The following PRDM16 variants were observed in gnomAD, a reference collection of about 807,000 sequenced individuals.
PRDM16 encodes the protein histone-lysine N-methyltransferase PRDM16.
In PRDM16, 23 loss-of-function variants were observed where a neutral mutation model predicts 110.6. The ratio of observed to expected loss-of-function variants is 0.21; its 90% CI spans 0.15 to 0.29. The LOEUF is 0.29. Ranked by LOEUF, PRDM16 falls within the 10% of genes least tolerant of loss-of-function variation. The pLI is 1.00. For synonymous variants in PRDM16, 799 were observed against 781.8 expected, an observed-to-expected ratio of 1.02 and a Z score of -0.37; for missense variants, 1,615 against 1,794.3, an observed-to-expected ratio of 0.90 and a Z score of 1.81.
chr1:3,154,294 G>C (rs1440581147), intron 1 of PRDM16, among the ~76,000 whole-genome samples: 1 of 152,142 alleles, frequency 6.6e-6, no homozygotes, highest in Non-Finnish European at 1.5e-5. Context: ...GTGGTGGGGG[G>C]GCAGGGGGAC....
intron 3 of PRDM16, among the ~76,000 whole-genome samples, chr1:3,275,062 G>T (rs546792400): frequency 1.2e-4 from 18 of 152,352 alleles, no homozygotes; most frequent in African/African-American, 4.3e-4. Context: ...GGATCTGGCT[G>T]GCTCCCAGGT....
Position 3,350,347 on chromosome 1 carries a change from C to A in PRDM16, c.439-34805C>A, listed in dbSNP as rs1642458091. 6.6e-6 allele frequency among the ~76,000 whole-genome samples: 1 copy of A among 152,036 alleles called. No homozygotes were observed. Among genetic ancestry groups the A allele is most frequent in the Admixed American group, 6.5e-5 (1 of 15,270 alleles). On this transcript the variant is annotated intron_variant, in intron 3 of 16. Transcript: ENST00000270722. This position sits in a 1 kb window ranked among gnomAD's most constrained non-coding sequence, Gnocchi z 7.1. Reference sequence around the variant, plus strand: ...TCTCAAAAAAATGAAAAGAAAAGATCTGGAAGTGGGAGGGGAGGCGGCTCT... The same window carrying A: ...TCTCAAAAAAATGAAAAGAAAAGATATGGAAGTGGGAGGGGAGGCGGCTCT...
At position 3,405,442 on chromosome 1, in the gene PRDM16, G is replaced by C. The variant is rs1189876178; in HGVS notation, c.1033-53G>C. The C allele has an allele frequency of 5.3e-6, 8 of 1,504,912 alleles. No individual in the cohort carries two copies. The East Asian group carries it at 1.4e-4, about 27-fold the overall frequency. 93.2% of individuals were successfully genotyped at this position (1,504,912 alleles called of 1,614,324 possible). A position where few individuals can be genotyped will look rare whatever the true frequency, so the allele number is the denominator to read the frequency against. On this transcript the variant is annotated intron_variant, in intron 7 of 16. Transcript: ENST00000270722. Reference sequence around the variant, plus strand: ...CCGGTTGGTCCGCCAGCCAGAACCAGGCCAAGGCGGGTGTCCAGGCAGGGC... The same window carrying C: ...CCGGTTGGTCCGCCAGCCAGAACCACGCCAAGGCGGGTGTCCAGGCAGGGC...
chr1:3,408,275 C>T (rs1405346621), intron 8 of PRDM16, among the ~76,000 whole-genome samples: 2 of 152,224 alleles, frequency 1.3e-5, no homozygotes, highest in Admixed American at 6.5e-5. Flanking sequence ...GGTGTCATTC[C>T]TGGTGGTGTC....
At chr1:3,114,175 GCACA>G (rs59552389) in intron 1 of PRDM16, among the ~76,000 whole-genome samples, 9,931 of 112,802 alleles carry the variant, frequency 0.088, 342 homozygotes, top group Non-Finnish European at 0.094. Flanking sequence ...GCACACACAC[GCACA>G]CACACGCACA....
chr1:3,303,684 T>G (rs576224297), intron 3 of PRDM16, among the ~76,000 whole-genome samples: 1 of 152,372 alleles, frequency 6.6e-6, no homozygotes, highest in South Asian at 2.1e-4. Context: ...CCACCAGTAG[T>G]GTGAGGGTCC....
At chr1:3,072,253 G>A (rs2100528826) in intron 1 of PRDM16, among the ~76,000 whole-genome samples, 1 of 152,338 alleles carries the variant, frequency 6.6e-6, no homozygotes, top group Admixed American at 6.5e-5. Flanking sequence ...CAGGTGGGCA[G>A]GTGGGGGGTT....
chr1:3,331,632 G>A (rs12047648), intron 3 of PRDM16, among the ~76,000 whole-genome samples: 3,197 of 152,256 alleles, frequency 0.021, 172 homozygotes, highest in East Asian at 0.11. Context: ...CCTCTAATTT[G>A]CTGCCCAGAG....
intron 1 of PRDM16, among the ~76,000 whole-genome samples, chr1:3,114,181 A>ACGCC (rs1267757670): frequency 7.8e-6 from 1 of 127,862 alleles, no homozygotes; most frequent in African/African-American, 3.7e-5. Context: ...ACACGCACAC[A>ACGCC]CACGCACACA....
intron 3 of PRDM16, among the ~76,000 whole-genome samples, chr1:3,272,430 G>A (rs937660179): frequency 2.0e-4 from 31 of 152,244 alleles, no homozygotes; most frequent in Admixed American, 7.8e-4. Flanking sequence ...CCACAGGCAC[G>A]CGCTGGACTC....
At chr1:3,283,544 A>G (rs996530864) in intron 3 of PRDM16, among the ~76,000 whole-genome samples, 1 of 152,064 alleles carries the variant, frequency 6.6e-6, no homozygotes, top group Non-Finnish European at 1.5e-5. Flanking sequence ...AGACACACAG[A>G]AGAGAGGGGA....
At chr1:3,341,457 G>A (rs191296477) in intron 3 of PRDM16, among the ~76,000 whole-genome samples, 10 of 152,266 alleles carry the variant, frequency 6.6e-5, no homozygotes, top group Middle Eastern at 6.8e-3. Context: ...TGGAAGAATC[G>A]GGGTGGTCTG....
At chr1:3,179,228 C>T (rs570501646) in intron 1 of PRDM16, among the ~76,000 whole-genome samples, 4 of 152,366 alleles carry the variant, frequency 2.6e-5, no homozygotes, top group East Asian at 1.9e-4. Flanking sequence ...AAGAGGGCTC[C>T]GCCTGGACTA....
At chr1:3,116,912 C>G (rs1226122419) in intron 1 of PRDM16, among the ~76,000 whole-genome samples, 1 of 152,208 alleles carries the variant, frequency 6.6e-6, no homozygotes, top group Admixed American at 6.5e-5. Context: ...GGTCACAGCC[C>G]AAGCCCGACC....
chr1:3,267,756 C>G (rs1210693517), intron 3 of PRDM16, among the ~76,000 whole-genome samples: 1 of 152,200 alleles, frequency 6.6e-6, no homozygotes, highest in Non-Finnish European at 1.5e-5. Context: ...GCCTCTCCCT[C>G]AGTGAGCCGC....
intron 3 of PRDM16, among the ~76,000 whole-genome samples, chr1:3,364,769 C>T (rs1642779399): frequency 6.6e-6 from 1 of 152,234 alleles, no homozygotes; most frequent in African/African-American, 2.4e-5. Context: ...GGCCAGGAGG[C>T]CCAGAGGCCC....
chr1:3,368,409 G>A (rs150636157), intron 3 of PRDM16, among the ~76,000 whole-genome samples: 10 of 152,292 alleles, frequency 6.6e-5, no homozygotes, highest in East Asian at 3.9e-4. Context: ...GGAAGACACC[G>A]TAGGAGACTC....
At position 3,069,387 on chromosome 1, in the gene PRDM16, C is replaced by A; in HGVS notation, c.37+91C>A. 1 of 328,112 alleles carries A rather than the reference C, an allele frequency of 3.0e-6. No individual in the cohort carries two copies. Among genetic ancestry groups the A allele is most frequent in the Non-Finnish European group, 4.3e-6 (1 of 234,208 alleles). The allele number at this position is 328,112 out of a possible 1,614,324, so 20.3% of individuals were successfully genotyped here. A position where few individuals can be genotyped will look rare whatever the true frequency, so the allele number is the denominator to read the frequency against. Reference sequence around the variant, plus strand: ...GCCAGGGGTGCGCGTCGGGGCGCGGCCGGCGCGCCTGCGGCTCCGGGCCCC... The same window carrying A: ...GCCAGGGGTGCGCGTCGGGGCGCGGACGGCGCGCCTGCGGCTCCGGGCCCC... On this transcript the variant is annotated intron_variant, in intron 1 of 16. Transcript: ENST00000270722. This position sits in a 1 kb window ranked among gnomAD's most constrained non-coding sequence, Gnocchi z 6.1.
intron 1 of PRDM16, among the ~76,000 whole-genome samples, chr1:3,082,025 C>G (rs1448807683): frequency 6.6e-6 from 1 of 152,242 alleles, no homozygotes; most frequent in Non-Finnish European, 1.5e-5. Flanking sequence ...CTGAAATTCC[C>G]TTGACGCCTC....
Sources: gnomAD v4.1 joint callset for allele counts (sites outside exome capture counted in the v4.1 genomes callset) on GRCh38, gnomAD v4.1.1 for gene constraint, Gnocchi (gnomAD v3.1) non-coding constraint, MANE v1.5 for transcripts, NCBI Gene and HGNC (gene_info 2026-07-23, HGNC 2026-07-21) for gene names.